Variants in KCNK3 observed in about 807,000 individuals in gnomAD.
KCNK3 encodes potassium two pore domain channel subfamily K member 3.
A neutral mutation model predicts 27.3 loss-of-function variants in KCNK3; 9 were observed. The observed-to-expected ratio is 0.33, with a 90% confidence interval of 0.20 to 0.57. KCNK3 has a LOEUF of 0.57. Ranked by LOEUF, KCNK3 falls within the 20% of genes least tolerant of loss-of-function variation. KCNK3 has a pLI of 0.87. For missense variants in KCNK3, 391 were observed against 577.7 expected (o/e 0.68, Z 3.31); for synonymous variants, 278 against 273.8 (o/e 1.02, Z -0.15).
At chr2:26,716,260 T>C (rs535454472) in intron 1 of KCNK3, among the ~76,000 whole-genome samples, 5 of 152,126 alleles carry the variant, frequency 3.3e-5, no homozygotes, top group African/African-American at 7.2e-5. Context: ...ATCTGTAAAA[T>C]AGGAATAATA....
chr2:26,718,789 TC>T (rs200290125), intron 1 of KCNK3, among the ~76,000 whole-genome samples: 1 of 149,092 alleles, frequency 6.7e-6, no homozygotes. Flanking sequence ...TTCGTTTTTT[TC>T]TAGAGATGGG....
At chr2:26,704,515 A>G (rs1670346710) in intron 1 of KCNK3, among the ~76,000 whole-genome samples, 1 of 152,084 alleles carries the variant, frequency 6.6e-6, no homozygotes, top group Non-Finnish European at 1.5e-5. Flanking sequence ...AGAAATAACC[A>G]TCTTGGAAAC....
intron 1 of KCNK3, among the ~76,000 whole-genome samples, chr2:26,699,251 A>AAGAAAGCAAGCC (rs201319916): frequency 2.2e-5 from 3 of 134,258 alleles, no homozygotes; most frequent in African/African-American, 9.9e-5. Context: ...GAAAGAAAGA[A>AAGAAAGCAAGCC]AGCCAGCCAA....
At chr2:26,708,874 G>A (rs756185384) in intron 1 of KCNK3, among the ~76,000 whole-genome samples, 1 of 152,088 alleles carries the variant, frequency 6.6e-6, no homozygotes, top group Non-Finnish European at 1.5e-5. Context: ...CAGGCCACCC[G>A]CAGGTCAACC....
intron 1 of KCNK3, among the ~76,000 whole-genome samples, chr2:26,723,541 A>G (rs1663359678): frequency 6.6e-6 from 1 of 152,216 alleles, no homozygotes; most frequent in Non-Finnish European, 1.5e-5. Flanking sequence ...CCATGATTGA[A>G]TGAAGAGGCC....
At chr2:26,716,821 A>C (rs1487184982) in intron 1 of KCNK3, among the ~76,000 whole-genome samples, 1 of 152,206 alleles carries the variant, frequency 6.6e-6, no homozygotes, top group Non-Finnish European at 1.5e-5. Flanking sequence ...AGGTAGGAAA[A>C]ATTGAGATAA....
chr2:26,716,315 G>A (rs1168756337), intron 1 of KCNK3, among the ~76,000 whole-genome samples: 1 of 152,188 alleles, frequency 6.6e-6, no homozygotes, highest in Non-Finnish European at 1.5e-5. Flanking sequence ...ACAATAGAAT[G>A]TATAGAGATT....
chr2:26,719,654 T>C (rs1663291632), intron 1 of KCNK3, among the ~76,000 whole-genome samples: 1 of 152,252 alleles, frequency 6.6e-6, no homozygotes, highest in Admixed American at 6.5e-5. Context: ...GAGGTTTCAT[T>C]TGATTCAATC....
At chr2:26,700,730 C>CCATCAT (rs71401503) in intron 1 of KCNK3, among the ~76,000 whole-genome samples, 94,232 of 150,608 alleles carry the variant, frequency 0.63, 29,892 homozygotes, top group Admixed American at 0.71. Context: ...ATCATCATCA[C>CCATCAT]CATCATCATC....
intron 1 of KCNK3, among the ~76,000 whole-genome samples, chr2:26,715,147 G>A (rs2148264347): frequency 6.6e-6 from 1 of 152,336 alleles, no homozygotes; most frequent in East Asian, 1.9e-4. Context: ...TTGTCCCCTG[G>A]CTCAGACATT....
intron 1 of KCNK3, among the ~76,000 whole-genome samples, chr2:26,717,289 G>A (rs577446271): frequency 3.9e-4 from 59 of 152,288 alleles, no homozygotes; most frequent in African/African-American, 1.3e-3. Flanking sequence ...GGCCTCTGCT[G>A]CTCCTCAGAC....
At chr2:26,706,566 C>A (rs1670376193) in intron 1 of KCNK3, among the ~76,000 whole-genome samples, 1 of 152,140 alleles carries the variant, frequency 6.6e-6, no homozygotes, top group Non-Finnish European at 1.5e-5. Flanking sequence ...CTTCCTGGGG[C>A]TCTGGAGCAG....
chr2:26,707,702 C>T (rs1311017071), intron 1 of KCNK3, among the ~76,000 whole-genome samples: 2 of 152,216 alleles, frequency 1.3e-5, no homozygotes, highest in African/African-American at 4.8e-5. Context: ...AGAGTAGAGG[C>T]TCAGGCAGAC....
chr2:26,707,684 G>A (rs1373366608), intron 1 of KCNK3, among the ~76,000 whole-genome samples: 3 of 152,196 alleles, frequency 2.0e-5, no homozygotes, highest in African/African-American at 4.8e-5. Context: ...CTGATGGTCC[G>A]CACCTGCAGA....
At chr2:26,719,798 C>G (rs999808860) in intron 1 of KCNK3, among the ~76,000 whole-genome samples, 2 of 152,176 alleles carry the variant, frequency 1.3e-5, no homozygotes, top group African/African-American at 4.8e-5. Context: ...TTTCACCAGC[C>G]CTTGTTACTC....
intron 1 of KCNK3, among the ~76,000 whole-genome samples, chr2:26,707,421 G>A (rs1296288064): frequency 6.6e-6 from 1 of 152,230 alleles, no homozygotes; most frequent in East Asian, 1.9e-4. Context: ...AGCCAGTCCT[G>A]CCATCCAGGC....
intron 1 of KCNK3, among the ~76,000 whole-genome samples, chr2:26,704,826 G>A (rs1393704689): frequency 6.6e-6 from 1 of 152,228 alleles, no homozygotes; most frequent in Non-Finnish European, 1.5e-5. Context: ...TGGAGCAGCC[G>A]CTCCTCAGGG....
At chr2:26,704,406 G>A (rs756189087) in intron 1 of KCNK3, among the ~76,000 whole-genome samples, 12 of 152,060 alleles carry the variant, frequency 7.9e-5, no homozygotes, top group Non-Finnish European at 1.6e-4. Flanking sequence ...GATCCCAAGC[G>A]TACCCTCCTT....
At chr2:26,696,994 C>T (rs971551611) in intron 1 of KCNK3, among the ~76,000 whole-genome samples, 6 of 152,124 alleles carry the variant, frequency 3.9e-5, no homozygotes, top group Admixed American at 6.5e-5. Context: ...CTATACTAGA[C>T]GCTTCATTTG....
Sources: gnomAD v4.1 joint callset for allele counts (sites outside exome capture counted in the v4.1 genomes callset) on GRCh38, gnomAD v4.1.1 for gene constraint, MANE v1.5 for transcripts, NCBI Gene and HGNC (gene_info 2026-07-23, HGNC 2026-07-21) for gene names.